ATG10: variants seen among roughly 807,000 people sequenced by gnomAD.
ATG10 encodes autophagy related 10.
In ATG10, 30 loss-of-function variants were observed where a neutral mutation model predicts 32.1. The ratio of observed to expected loss-of-function variants is 0.94; its 90% CI spans 0.70 to 1.27. The LOEUF (loss-of-function observed/expected upper bound fraction) is 1.27. ATG10 is among the 50% of genes most tolerant of loss of function. The pLI is 0.00. For synonymous variants in ATG10, 87 were observed against 91.5 expected (o/e 0.95, Z 0.28); for missense variants, 233 against 262.3 (o/e 0.89, Z 0.77).
intron 2 of ATG10, among the ~76,000 whole-genome samples, chr5:82,014,230 A>G (rs908537509): frequency 6.6e-6 from 1 of 152,176 alleles, no homozygotes; most frequent in African/African-American, 2.4e-5. Context: ...ACATTTGCTG[A>G]GGAGTGCTTT....
At chr5:82,127,957 A>AGGT (rs1766348232) in intron 3 of ATG10, among the ~76,000 whole-genome samples, 1 of 151,982 alleles carries the variant, frequency 6.6e-6, no homozygotes, top group South Asian at 2.1e-4. Flanking sequence ...TTATGAATCT[A>AGGT]GGTGGTCCTG....
intron 5 of ATG10, among the ~76,000 whole-genome samples, chr5:82,201,620 A>G (rs1318639935): frequency 2.0e-5 from 3 of 152,226 alleles, no homozygotes; most frequent in Non-Finnish European, 2.9e-5. Context: ...CTTTTTCAAG[A>G]AGGAACCTTT....
intron 2 of ATG10, among the ~76,000 whole-genome samples, chr5:82,043,399 T>C (rs924229228): frequency 3.9e-5 from 6 of 152,344 alleles, no homozygotes; most frequent in African/African-American, 1.4e-4. Context: ...TGGGACGGGC[T>C]GCCCTGAAGA....
intron 3 of ATG10, chr5:82,111,289 C>T (rs1411386843): frequency 1.3e-5 from 2 of 151,988 alleles, no homozygotes; most frequent in Non-Finnish European, 2.9e-5. Context: ...TTAACTGTGA[C>T]TCATATTTTA....
Position 82,210,424 on chromosome 5 carries a change from T to G in ATG10, c.453+31837T>G, listed in dbSNP as rs753765391. Among the ~76,000 whole-genome samples, 405 of 152,294 alleles carry G rather than the reference T, an allele frequency of 2.7e-3. 1 individual carries two copies. Among genetic ancestry groups the G allele is most frequent in the Admixed American group, 4.6e-3 (70 of 15,300 alleles). ...GCTGATCTGTTTCCAATACCCTTACTTTTGAAGTGTAGTCTTTCCAAATCC... is the reference window on the plus strand; with the variant it reads ...GCTGATCTGTTTCCAATACCCTTACGTTTGAAGTGTAGTCTTTCCAAATCC... On this transcript the variant is annotated intron_variant, in intron 5 of 7. Transcript: ENST00000282185.
intron 4 of ATG10, among the ~76,000 whole-genome samples, chr5:82,176,598 A>G (rs945617284): frequency 1.3e-5 from 2 of 152,170 alleles, no homozygotes; most frequent in East Asian, 1.9e-4. Flanking sequence ...AGACACACGC[A>G]CACACATACA....
At chr5:82,200,984 A>G (rs1745050634) in intron 5 of ATG10, among the ~76,000 whole-genome samples, 1 of 151,794 alleles carries the variant, frequency 6.6e-6, no homozygotes, top group Non-Finnish European at 1.5e-5. Context: ...CCCCGGGCTC[A>G]AGCAATTCTC....
chr5:82,083,663 G>GC (rs1297055073), intron 3 of ATG10, among the ~76,000 whole-genome samples: 3 of 152,172 alleles, frequency 2.0e-5, no homozygotes, highest in Admixed American at 2.0e-4. Flanking sequence ...AGCAACGTCT[G>GC]CCGTTCTGCA....
intron 2 of ATG10, among the ~76,000 whole-genome samples, chr5:81,992,651 G>A (rs1295730505): frequency 3.3e-5 from 5 of 151,412 alleles, no homozygotes; most frequent in Non-Finnish European, 7.4e-5. Context: ...TGATCTACCC[G>A]CCTTGGCCTC....
chr5:81,974,197 T>C (rs1307220412), intron 1 of ATG10, among the ~76,000 whole-genome samples: 1 of 152,088 alleles, frequency 6.6e-6, no homozygotes, highest in Non-Finnish European at 1.5e-5. Flanking sequence ...ATAAATATAA[T>C]CAGGGAACCT....
rs1190467763 is a variant in ATG10 at position 82,255,406 on chromosome 5, G to A, written c.*1343G>A. The A allele has an allele frequency of 6.6e-6, 1 of 151,622 alleles. No individual in the cohort carries two copies. Among genetic ancestry groups the A allele is most frequent in the Non-Finnish European group, 1.5e-5 (1 of 67,896 alleles). 9.4% of individuals were successfully genotyped at this position (151,622 alleles called of 1,614,324 possible). A position where few individuals can be genotyped will look rare whatever the true frequency, so the allele number is the denominator to read the frequency against. On this transcript the variant is annotated 3_prime_UTR_variant, in exon 8 of 8. Coordinates refer to ENST00000282185, the MANE Select transcript of ATG10 (RefSeq NM_031482.5). ...CTAACCTGGAACAATTTTTTTTTTG[G>A]TTGCTTGTTTTGTTTTTTGCTTTCA...
At chr5:82,093,778 T>G (rs766602464) in intron 3 of ATG10, among the ~76,000 whole-genome samples, 16 of 152,174 alleles carry the variant, frequency 1.1e-4, no homozygotes, top group Non-Finnish European at 1.9e-4. Context: ...ACAGTTATGT[T>G]ATTTGGAAAT....
intron 3 of ATG10, among the ~76,000 whole-genome samples, chr5:82,068,916 C>T (rs116549019): frequency 0.018 from 2,635 of 147,456 alleles, 32 homozygotes; most frequent in African/African-American, 0.036. Flanking sequence ...CTTTTCTGCC[C>T]CTTTGATTTT....
chr5:82,144,417 G>A (rs1476131740), intron 3 of ATG10, among the ~76,000 whole-genome samples: 1 of 151,662 alleles, frequency 6.6e-6, no homozygotes, highest in African/African-American at 2.4e-5. Context: ...ACTGATTTAA[G>A]ACCTCTTTTG....
chr5:82,179,197 T>C (rs1017676936), intron 5 of ATG10, among the ~76,000 whole-genome samples: 1 of 152,158 alleles, frequency 6.6e-6, no homozygotes, highest in African/African-American at 2.4e-5. Flanking sequence ...TTTTGCACCA[T>C]GATAAAGTCT....
At chr5:81,997,522 G>T (rs748781512) in intron 2 of ATG10, among the ~76,000 whole-genome samples, 1 of 152,196 alleles carries the variant, frequency 6.6e-6, no homozygotes, top group Non-Finnish European at 1.5e-5. Flanking sequence ...TAGTTCCCCA[G>T]CAATGGTTCT....
At chr5:82,060,601 C>A (rs929478031) in intron 3 of ATG10, among the ~76,000 whole-genome samples, 1 of 152,112 alleles carries the variant, frequency 6.6e-6, no homozygotes, top group African/African-American at 2.4e-5. Flanking sequence ...GGTGGCTCAA[C>A]GCCTGTAATA....
chr5:82,077,423 A>G (rs1323241755), intron 3 of ATG10, among the ~76,000 whole-genome samples: 1 of 152,244 alleles, frequency 6.6e-6, no homozygotes. Flanking sequence ...GAGCAGAATC[A>G]TGAATAAATG....
At chr5:81,975,468 C>T (rs1039118098) in intron 1 of ATG10, among the ~76,000 whole-genome samples, 5 of 152,116 alleles carry the variant, frequency 3.3e-5, no homozygotes, top group Admixed American at 3.3e-4. Flanking sequence ...ATTGCCTGAG[C>T]TGAGGAGTTT....
Sources: gnomAD v4.1 joint callset for allele counts (sites outside exome capture counted in the v4.1 genomes callset) on GRCh38, gnomAD v4.1.1 for gene constraint, MANE v1.5 for transcripts, NCBI Gene and HGNC (gene_info 2026-07-23, HGNC 2026-07-21) for gene names.